Variants in OR2T11 observed in about 807,000 individuals in gnomAD.
OR2T11 encodes the protein olfactory receptor 2T11.
A neutral mutation model predicts 13.5 loss-of-function variants in OR2T11; 14 were observed. That is an observed-to-expected ratio of 1.04 (90% CI 0.69 to 1.62). The LOEUF is 1.62. OR2T11 is among the 40% of genes most tolerant of loss of function. The pLI, the probability that OR2T11 is intolerant of heterozygous loss-of-function variation, is 0.00. For synonymous variants in OR2T11, 163 were observed against 154.6 expected, an observed-to-expected ratio of 1.05 and a Z score of -0.40; for missense variants, 410 against 389.7, an observed-to-expected ratio of 1.05 and a Z score of -0.44.
intron 1 of OR2T11, among the ~76,000 whole-genome samples, chr1:248,633,435 T>TA (rs1660639796): frequency 7.2e-6 from 1 of 137,974 alleles, no homozygotes; most frequent in African/African-American, 2.9e-5. Flanking sequence ...TTCTTAGAAA[T>TA]AATCAAAAAA....
chr1:248,627,140 A>T lies in OR2T11; in HGVS notation c.-12T>A. On this transcript the variant is annotated 5_prime_UTR_variant, in exon 2 of 2. Coordinates refer to ENST00000641193, the MANE Select transcript of OR2T11 (RefSeq NM_001001964.2). Reference sequence around the variant, plus strand: ...GATGTGTTCGTCATTGATATGGCCCACGAGCGTCCCAGGGCAACGGGAAGA... The same window carrying T: ...GATGTGTTCGTCATTGATATGGCCCTCGAGCGTCCCAGGGCAACGGGAAGA... 1 of 1,439,848 alleles carries T rather than the reference A, an allele frequency of 6.9e-7. No individual in the cohort carries two copies. Among genetic ancestry groups the T allele is most frequent in the Non-Finnish European group, 9.6e-7 (1 of 1,042,822 alleles). 89.2% of individuals were successfully genotyped at this position (1,439,848 alleles called of 1,614,324 possible).
At position 248,630,173 on chromosome 1, in the gene OR2T11, A is replaced by G. The variant is rs796483735; in HGVS notation, c.-144-2901T>C. On this transcript the variant is annotated intron_variant, in intron 1 of 1. Transcript: ENST00000641193. ...TTCAAAACACCTCCTGATTTTATAT[A>G]ATGTGCTGAAGAGAAATAATTTTTT... 3.6e-4 allele frequency among the ~76,000 whole-genome samples: 52 copies of G among 143,258 alleles called. 11 individuals carry two copies. The highest frequency in any genetic ancestry group is 1.4e-3 in the African/African-American group (50 of 36,484). The allele number at this position is 143,258 out of a possible 152,430, so 94.0% of individuals were successfully genotyped here.
In OR2T11 at chr1:248,627,154, G is replaced by A; in HGVS notation, c.-26C>T. On this transcript the variant is annotated 5_prime_UTR_variant, in exon 2 of 2. Coordinates refer to ENST00000641193, the MANE Select transcript of OR2T11 (RefSeq NM_001001964.2). ...TGATATGGCCCACGAGCGTCCCAGGGCAACGGGAAGACACAAGGACCAGGA... is the reference window on the plus strand; with the variant it reads ...TGATATGGCCCACGAGCGTCCCAGGACAACGGGAAGACACAAGGACCAGGA... 1.5e-6 allele frequency: 2 copies of A among 1,316,252 alleles called. No individual in the cohort carries two copies. Among genetic ancestry groups the A allele is most frequent in the Admixed American group, 1.8e-5 (1 of 56,342 alleles). The allele number at this position is 1,316,252 out of a possible 1,614,324, so 81.5% of individuals were successfully genotyped here. A position where few individuals can be genotyped will look rare whatever the true frequency, so the allele number is the denominator to read the frequency against.
In OR2T11 at chr1:248,626,867, T is replaced by A. The variant is rs1442332421; in HGVS notation, c.262A>T (p.Ile88Phe). 1.3e-6 allele frequency: 2 copies of A among 1,570,778 alleles called. No homozygotes were observed. The highest frequency in any genetic ancestry group is 1.1e-5 in the South Asian group (1 of 88,850). Residue 88 changes from isoleucine (I) to phenylalanine (F), a missense_variant, in exon 2 of 2, where the codon ATC (isoleucine) becomes TTC (phenylalanine). Coordinates refer to ENST00000641193, the MANE Select transcript of OR2T11 (RefSeq NM_001001964.2). Reference sequence around the variant, plus strand: ...ATGCCACAGGCCACAAAGGAAATGATCTTCTCTTTAGAAACCATGTCTGCC... The same window carrying A: ...ATGCCACAGGCCACAAAGGAAATGAACTTCTCTTTAGAAACCATGTCTGCC... Reference protein sequence around the residue: ...LLADMVSKEKIISFVACGIQI... With the variant: ...LLADMVSKEKFISFVACGIQI...
intron 1 of OR2T11, among the ~76,000 whole-genome samples, chr1:248,630,643 CCTT>C (rs1415612408): frequency 1.4e-5 from 2 of 143,874 alleles, no homozygotes; most frequent in African/African-American, 5.5e-5. Flanking sequence ...ATGTCATCTG[CCTT>C]CTATGATCAG....
chr1:248,633,452 G>T (rs964158346), intron 1 of OR2T11, among the ~76,000 whole-genome samples: 1 of 117,308 alleles, frequency 8.5e-6, no homozygotes, highest in South Asian at 2.9e-4. Flanking sequence ...AAAAGGTAAA[G>T]ATTTTTACAA....
chr1:248,629,498 T>C (rs1399097138), intron 1 of OR2T11, among the ~76,000 whole-genome samples: 2 of 141,298 alleles, frequency 1.4e-5, no homozygotes, highest in South Asian at 4.5e-4. Flanking sequence ...TCATGACACA[T>C]TTTACCCTGG....
Position 248,628,564 on chromosome 1 carries a change from G to A in OR2T11, c.-144-1292C>T, listed in dbSNP as rs184157533. Among the ~76,000 whole-genome samples, 21 of 141,268 alleles carry A rather than the reference G, an allele frequency of 1.5e-4. 4 individuals carry two copies. The East Asian group carries it at 4.3e-3, about 29-fold the overall frequency. The allele number at this position is 141,268 out of a possible 152,430, so 92.7% of individuals were successfully genotyped here. ...AAATGTTTTAGTGCAAGTTCATAAT[G>A]TTCTTAACACCAAAAAAAAGGGTTC... On this transcript the variant is annotated intron_variant, in intron 1 of 1. Coordinates refer to ENST00000641193, the MANE Select transcript of OR2T11 (RefSeq NM_001001964.2).
At chr1:248,628,884 CCTCCTGATCCA>C (rs1371469460) in intron 1 of OR2T11, among the ~76,000 whole-genome samples, 2 of 143,144 alleles carry the variant, frequency 1.4e-5, no homozygotes, top group Non-Finnish European at 3.0e-5. Context: ...TGAGTCTTAG[CCTCCTGATCCA>C]CTCCTGATCG....
At chr1:248,634,037 T>C (rs1489513137) in intron 1 of OR2T11, among the ~76,000 whole-genome samples, 1 of 141,680 alleles carries the variant, frequency 7.1e-6, no homozygotes, top group East Asian at 2.0e-4. Flanking sequence ...TGCAGTTCTA[T>C]GTGAGCCTAT....
intron 1 of OR2T11, among the ~76,000 whole-genome samples, chr1:248,632,084 A>G (rs1413972726): frequency 7.0e-6 from 1 of 143,796 alleles, no homozygotes; most frequent in Non-Finnish European, 1.5e-5. Context: ...AAATCATATG[A>G]ATGTGTTATC....
chr1:248,628,552 C>T (rs55933807), intron 1 of OR2T11, among the ~76,000 whole-genome samples: 117,422 of 139,114 alleles, frequency 0.84, 52,671 homozygotes, highest in South Asian at 0.95. Flanking sequence ...TGTTTTAGTG[C>T]AAGTTCATAA....
Position 248,626,249 on chromosome 1 carries a change from C to T in OR2T11, c.880G>A (p.Val294Ile), listed in dbSNP as rs757689101. The T allele has an allele frequency of 2.7e-5, 43 of 1,569,356 alleles. 10 individuals carry two copies. In the Admixed American group the frequency reaches 3.8e-4, roughly 14 times the overall value. Reference sequence around the variant, plus strand: ...AATACCTTTTTAAATGCCCCTATGACGTCCTTGTTTCTGAGGCTGTAGATG... The same window carrying T: ...AATACCTTTTTAAATGCCCCTATGATGTCCTTGTTTCTGAGGCTGTAGATG... The part of the protein sequence containing the change: ...PLIYSLRNKD[V>I]IGAFKKVFAC... Residue 294 changes from valine (V) to isoleucine (I), a missense_variant, in exon 2 of 2, where the codon GTC (valine) becomes ATC (isoleucine). By Grantham distance (29) the Val-to-Ile change is conservative. Coordinates refer to ENST00000641193, the MANE Select transcript of OR2T11 (RefSeq NM_001001964.2).
At chr1:248,634,340 GTATT>G (rs10596970) in intron 1 of OR2T11, among the ~76,000 whole-genome samples, 129,618 of 138,066 alleles carry the variant, frequency 0.94, 62,577 homozygotes, top group East Asian at 1. Flanking sequence ...GAAGCTACAG[GTATT>G]TATTTACCAT....
At chr1:248,634,004 T>TC (rs1660650927) in intron 1 of OR2T11, among the ~76,000 whole-genome samples, 1 of 140,534 alleles carries the variant, frequency 7.1e-6, no homozygotes, top group Admixed American at 6.9e-5. Flanking sequence ...TTTTTTTTTT[T>TC]GCTTCTAGCA....
chr1:248,631,156 C>T (rs2103103383), intron 1 of OR2T11, among the ~76,000 whole-genome samples: 1 of 143,538 alleles, frequency 7.0e-6, no homozygotes, highest in African/African-American at 2.7e-5. Flanking sequence ...TTCTGACCTC[C>T]AGGCTGTGAT....
At position 248,626,895 on chromosome 1, in the gene OR2T11, G is replaced by A; in HGVS notation, c.234C>T (p.Leu78=). 4 of 1,570,192 alleles carry A rather than the reference G, an allele frequency of 2.5e-6. No homozygotes were observed. Among genetic ancestry groups the A allele is most frequent in the Non-Finnish European group, 3.5e-6 (4 of 1,154,298 alleles). ...TCTCTTTAGAAACCATGTCTGCCAG[G>A]AGTTTTGGGACAGTGGTACAGATGA... The part of the protein sequence containing the change: ...TLFICTTVPK[L]LADMVSKEKI... The change falls in exon 2 of 2, where the codon CTC becomes CTT. Residue 78 remains leucine (L), a synonymous_variant. Transcript: ENST00000641193.
chr1:248,624,496 ACTTT>A lies in OR2T11; in HGVS notation c.*1678_*1681del, dbSNP rs1660485958. The stretch of plus-strand genomic sequence containing the variant: ...GACTGCACTTGTTGCAGTTGCTTTT[ACTTT>A]CTTTAAACACTTTGTCTTAGATTTC... On this transcript the variant is annotated 3_prime_UTR_variant, in exon 2 of 2. Transcript: ENST00000641193. The A allele has an allele frequency of 1.4e-5, 2 of 142,940 alleles. 1 individual carries two copies. The highest frequency in any genetic ancestry group is 3.0e-5 in the Non-Finnish European group (2 of 66,230). The allele number at this position is 142,940 out of a possible 1,614,324, so 8.9% of individuals were successfully genotyped here. A position where few individuals can be genotyped will look rare whatever the true frequency, so the allele number is the denominator to read the frequency against.
rs1660497320 is a variant in OR2T11 at position 248,625,243 on chromosome 1, ATC to A, written c.*933_*934del. ...CCTACACAAGCCATCCTTGTTTCTC[ATC>A]TCTGAAACCTCAATTGTCTTCCTGT... On this transcript the variant is annotated 3_prime_UTR_variant, in exon 2 of 2. Coordinates refer to ENST00000641193, the MANE Select transcript of OR2T11 (RefSeq NM_001001964.2). The A allele has an allele frequency of 7.0e-6, 1 of 143,024 alleles. No homozygotes were observed. 8.9% of individuals were successfully genotyped at this position (143,024 alleles called of 1,614,324 possible).
Sources: allele counts gnomAD v4.1 joint callset (sites outside exome capture counted in the v4.1 genomes callset), GRCh38; gene constraint gnomAD v4.1.1; transcripts MANE v1.5; gene names NCBI Gene and HGNC (gene_info 2026-07-23, HGNC 2026-07-21).